DTHD1: variants seen among roughly 807,000 people sequenced by gnomAD.
DTHD1 encodes the protein death domain containing 1, also known as death domain-containing protein 1.
A neutral mutation model predicts 74.8 loss-of-function variants in DTHD1; 59 were observed. The observed-to-expected ratio is 0.79, with a 90% CI of 0.64 to 0.98. DTHD1 has a LOEUF of 0.98. Among genes scored for constraint, DTHD1 ranks in the 50% least tolerant of loss-of-function variants. DTHD1 has a pLI of 0.00. For missense variants in DTHD1, 1,051 were observed against 1,065.4 expected, an observed-to-expected ratio of 0.99 and a Z score of 0.19; for synonymous variants, 365 against 371.1, an observed-to-expected ratio of 0.98 and a Z score of 0.19.
At position 36,334,804 on chromosome 4, in the gene DTHD1, A is replaced by G. The variant is rs1322630592; in HGVS notation, c.2341-4308A>G. Among the ~76,000 whole-genome samples, 6 of 152,248 alleles carry G rather than the reference A, an allele frequency of 3.9e-5. 1 individual carries two copies. Among genetic ancestry groups the G allele is most frequent in the Non-Finnish European group, 8.8e-5 (6 of 68,032 alleles). On this transcript the variant is annotated intron_variant, in intron 8 of 9. Transcript: ENST00000639862. ...TGGTGGAAGTAATCTTCATGGATACATAAAAACCTTGCTGTGCAGATTGTG... is the reference window on the plus strand; with the variant it reads ...TGGTGGAAGTAATCTTCATGGATACGTAAAAACCTTGCTGTGCAGATTGTG...
chr4:36,339,796 T>C (rs1217020152), intron 9 of DTHD1, among the ~76,000 whole-genome samples: 1 of 152,236 alleles, frequency 6.6e-6, no homozygotes, highest in Non-Finnish European at 1.5e-5. Context: ...ATGAATGATA[T>C]GAGTTTGCCC....
intron 8 of DTHD1, among the ~76,000 whole-genome samples, chr4:36,319,723 TGAC>T: frequency 6.6e-6 from 1 of 152,388 alleles, no homozygotes; most frequent in African/African-American, 2.4e-5. Context: ...CTCTGTTGCC[TGAC>T]TTTATAAAAG....
chr4:36,282,652 T>C (rs892390341), intron 1 of DTHD1, among the ~76,000 whole-genome samples: 1 of 152,144 alleles, frequency 6.6e-6, no homozygotes, highest in African/African-American at 2.4e-5. Context: ...AATATAATCC[T>C]AGATAACAAC....
rs903318217 is a variant in DTHD1 at position 36,339,019 on chromosome 4, G to T, written c.2341-93G>T. ...AAGGTATGCAATTCAGTACTTCTTCGAAACAGAGATGATGTTCAGATGAAT... is the reference window on the plus strand; with the variant it reads ...AAGGTATGCAATTCAGTACTTCTTCTAAACAGAGATGATGTTCAGATGAAT... On this transcript the variant is annotated intron_variant, in intron 8 of 9. Transcript: ENST00000639862. 10 of 1,024,064 alleles carry T rather than the reference G, an allele frequency of 9.8e-6. No homozygotes were observed. In the South Asian group the frequency reaches 1.2e-4, roughly 12 times the overall value. 63.4% of individuals were successfully genotyped at this position (1,024,064 alleles called of 1,614,324 possible).
intron 5 of DTHD1, among the ~76,000 whole-genome samples, chr4:36,298,813 A>G (rs568540952): frequency 7.2e-5 from 11 of 152,328 alleles, no homozygotes; most frequent in African/African-American, 2.2e-4. Context: ...CTATGCAATC[A>G]ATATTTTAGA....
chr4:36,312,143 G>A (rs566373840), intron 7 of DTHD1, among the ~76,000 whole-genome samples: 2 of 152,094 alleles, frequency 1.3e-5, no homozygotes, highest in Middle Eastern at 3.4e-3. Flanking sequence ...ATTATTGCAT[G>A]TTATTCAAGC....
chr4:36,313,112 T>C (rs1182366777), intron 7 of DTHD1, among the ~76,000 whole-genome samples: 1 of 152,194 alleles, frequency 6.6e-6, no homozygotes, highest in Non-Finnish European at 1.5e-5. Flanking sequence ...AAAATATTTA[T>C]TGTTACATTT....
intron 2 of DTHD1, among the ~76,000 whole-genome samples, chr4:36,286,452 G>C (rs1474467048): frequency 6.6e-6 from 1 of 152,130 alleles, no homozygotes; most frequent in African/African-American, 2.4e-5. Flanking sequence ...CCACATAAAA[G>C]ATGTGTGTGA....
chr4:36,310,259 A>G (rs1186573497), intron 7 of DTHD1, among the ~76,000 whole-genome samples: 1 of 152,204 alleles, frequency 6.6e-6, no homozygotes, highest in Non-Finnish European at 1.5e-5. Flanking sequence ...GAGAGATTAC[A>G]GAAGTGAAGG....
chr4:36,309,585 T>G (rs762657319), intron 7 of DTHD1, among the ~76,000 whole-genome samples: 2 of 152,250 alleles, frequency 1.3e-5, no homozygotes, highest in Non-Finnish European at 2.9e-5. Flanking sequence ...AATGAAAACT[T>G]CATGAGGGCA....
At chr4:36,286,363 C>A (rs1209516702) in intron 2 of DTHD1, among the ~76,000 whole-genome samples, 1 of 152,184 alleles carries the variant, frequency 6.6e-6, no homozygotes, top group Non-Finnish European at 1.5e-5. Context: ...CTTTGCAGCA[C>A]CCAAACCAAT....
chr4:36,284,630 A>C, intron 2 of DTHD1, 39 bp downstream of exon 2: 1 of 1,390,680 alleles, frequency 7.2e-7, no homozygotes, highest in Non-Finnish European at 9.5e-7. Flanking sequence ...AAGTATGCCT[A>C]CTTATATGTG....
chr4:36,284,592 G>A lies in DTHD1; in HGVS notation c.887+1G>A. The A allele has an allele frequency of 1.3e-6, 2 of 1,502,572 alleles. No individual in the cohort carries two copies. The highest frequency in any genetic ancestry group is 1.4e-5 in the African/African-American group (1 of 71,542). The allele number at this position is 1,502,572 out of a possible 1,614,324, so 93.1% of individuals were successfully genotyped here. A position where few individuals can be genotyped will look rare whatever the true frequency, so the allele number is the denominator to read the frequency against. On this transcript the variant is annotated splice_donor_variant, in intron 2 of 9. Coordinates refer to ENST00000639862, the MANE Select transcript of DTHD1 (RefSeq NM_001170700.3). LOFTEE classifies it high-confidence loss of function. ...ACAAGAATAACATAATGGAAAAGGAGTAAGTAAATGCAATGTGGGAAGTGC... is the reference window on the plus strand; with the variant it reads ...ACAAGAATAACATAATGGAAAAGGAATAAGTAAATGCAATGTGGGAAGTGC...
At chr4:36,331,158 A>C (rs181969842) in intron 8 of DTHD1, among the ~76,000 whole-genome samples, 1 of 152,134 alleles carries the variant, frequency 6.6e-6, no homozygotes, top group Non-Finnish European at 1.5e-5. Flanking sequence ...ACACACAGGT[A>C]AAAGTGATAA....
At chr4:36,331,319 G>A (rs930602855) in intron 8 of DTHD1, among the ~76,000 whole-genome samples, 8 of 152,072 alleles carry the variant, frequency 5.3e-5, no homozygotes, top group Non-Finnish European at 7.4e-5. Context: ...AACAAGTTAT[G>A]ATTTTACATT....
intron 9 of DTHD1, among the ~76,000 whole-genome samples, chr4:36,339,978 T>A (rs954082379): frequency 6.6e-6 from 1 of 152,244 alleles, no homozygotes; most frequent in South Asian, 2.1e-4. Flanking sequence ...AGTTTAATAA[T>A]GCTGTTAACC....
At chr4:36,293,785 T>TATC in intron 4 of DTHD1, 80 bp downstream of exon 4, 1 of 1,201,936 alleles carries the variant, frequency 8.3e-7, no homozygotes, top group Non-Finnish European at 1.1e-6. Flanking sequence ...ACAAAGAAGG[T>TATC]ATCAATATTT....
intron 8 of DTHD1, among the ~76,000 whole-genome samples, chr4:36,320,606 A>C (rs1271750598): frequency 6.6e-6 from 1 of 152,236 alleles, no homozygotes; most frequent in Non-Finnish European, 1.5e-5. Context: ...TCTTGTGCCC[A>C]AAGTCTTCAG....
chr4:36,325,637 T>C (rs1177700565), intron 8 of DTHD1, among the ~76,000 whole-genome samples: 1 of 152,172 alleles, frequency 6.6e-6, no homozygotes, highest in Non-Finnish European at 1.5e-5. Context: ...GTCTTGGTGA[T>C]AGAGTGAATG....
Sources: allele counts gnomAD v4.1 joint callset (sites outside exome capture counted in the v4.1 genomes callset), GRCh38; gene constraint gnomAD v4.1.1; transcripts MANE v1.5; gene names NCBI Gene and HGNC (gene_info 2026-07-23, HGNC 2026-07-21).